The following LTBP1 variants were observed in gnomAD, a reference collection of about 807,000 sequenced individuals.
LTBP1 encodes the protein latent-transforming growth factor beta-binding protein 1.
A neutral mutation model predicts 207.6 loss-of-function variants in LTBP1; 129 were observed. The ratio of observed to expected loss-of-function variants is 0.62; its 90% CI spans 0.54 to 0.72. The LOEUF (loss-of-function observed/expected upper bound fraction) is 0.72. LTBP1 is among the 30% of genes least tolerant of loss of function. LTBP1 has a pLI of 0.00. For missense variants in LTBP1, 2,281 were observed against 2,217.2 expected (o/e 1.03, Z -0.58); for synonymous variants, 963 against 833.7 (o/e 1.16, Z -2.67).
At chr2:33,099,201 A>T (rs1035678260) in intron 3 of LTBP1, among the ~76,000 whole-genome samples, 1 of 152,204 alleles carries the variant, frequency 6.6e-6, no homozygotes, top group Admixed American at 6.5e-5. Flanking sequence ...ATTGGAACAG[A>T]TGTTTGAATT....
rs1397225357 is a variant in LTBP1 at position 33,126,289 on chromosome 2, G to A, written c.1034-8504G>A. On this transcript the variant is annotated intron_variant, in intron 4 of 33. Transcript: ENST00000404816. ...TTGCTATATTGCCAGGGTTAGTCTC[G>A]ATCTCCTGAACTCAAGCAATCCTCC... 9.2e-5 allele frequency among the ~76,000 whole-genome samples: 14 copies of A among 151,936 alleles called. No homozygotes were observed. In the East Asian group the frequency reaches 1.2e-3, roughly 13 times the overall value.
chr2:33,032,708 A>G (rs901222620), intron 3 of LTBP1, among the ~76,000 whole-genome samples: 1 of 152,234 alleles, frequency 6.6e-6, no homozygotes, highest in African/African-American at 2.4e-5. Context: ...ATTTGATACT[A>G]TTAATAAAGC....
At chr2:33,170,986 A>T (rs1461710293) in intron 5 of LTBP1, among the ~76,000 whole-genome samples, 1 of 151,950 alleles carries the variant, frequency 6.6e-6, no homozygotes, top group African/African-American at 2.4e-5. Context: ...AACAGAAAGG[A>T]CATCCACACC....
At chr2:32,955,011 G>A (rs1000001962) in intron 2 of LTBP1, among the ~76,000 whole-genome samples, 4 of 152,158 alleles carry the variant, frequency 2.6e-5, no homozygotes, top group African/African-American at 4.8e-5. Context: ...AATGTCCAGC[G>A]GGACCACTGG....
intron 3 of LTBP1, among the ~76,000 whole-genome samples, chr2:33,086,513 G>C (rs183478100): frequency 1.8e-4 from 28 of 152,284 alleles, no homozygotes; most frequent in Admixed American, 1.5e-3. Context: ...TTATGACCTT[G>C]TGGTTATGGC....
At chr2:33,221,981 A>C (rs1233686886) in intron 8 of LTBP1, 99 bp from the exon 9 acceptor site, 1 of 751,636 alleles carries the variant, frequency 1.3e-6, no homozygotes, top group East Asian at 2.6e-5. Context: ...TAAATGAATA[A>C]GTAAGTTTGC....
intron 7 of LTBP1, among the ~76,000 whole-genome samples, chr2:33,189,750 G>A (rs1287591045): frequency 6.6e-6 from 1 of 152,136 alleles, no homozygotes; most frequent in Non-Finnish European, 1.5e-5. Flanking sequence ...TTCAGGCCGG[G>A]TGCTGTGGCT....
intron 7 of LTBP1, among the ~76,000 whole-genome samples, chr2:33,204,791 A>T (rs1203850174): frequency 2.6e-5 from 4 of 152,208 alleles, no homozygotes; most frequent in Admixed American, 6.5e-5. Context: ...GAAAACTGAT[A>T]GCTGATTTGA....
At chr2:32,954,556 C>A (rs1170552580) in intron 2 of LTBP1, among the ~76,000 whole-genome samples, 1 of 151,208 alleles carries the variant, frequency 6.6e-6, no homozygotes, top group African/African-American at 2.4e-5. Context: ...CCGCCCCCCC[C>A]CACCAATGAT....
intron 3 of LTBP1, among the ~76,000 whole-genome samples, chr2:33,074,770 T>C (rs1024865331): frequency 2.6e-5 from 4 of 150,968 alleles, no homozygotes; most frequent in Non-Finnish European, 4.4e-5. Context: ...GTCGGGAGGC[T>C]GAGGCAGGAG....
intron 5 of LTBP1, among the ~76,000 whole-genome samples, chr2:33,138,421 A>G (rs1013788133): frequency 3.3e-5 from 5 of 152,050 alleles, no homozygotes; most frequent in Non-Finnish European, 5.9e-5. Context: ...GGTACTTCCT[A>G]TGAAGCAGGT....
intron 5 of LTBP1, among the ~76,000 whole-genome samples, chr2:33,167,397 G>A (rs1014962153): frequency 4.7e-5 from 7 of 150,334 alleles, no homozygotes; most frequent in African/African-American, 1.5e-4. Flanking sequence ...ATTAGGTACC[G>A]ACCATGTATT....
chr2:33,342,349 C>G (rs13427209), intron 24 of LTBP1, among the ~76,000 whole-genome samples: 14,237 of 152,222 alleles, frequency 0.094, 730 homozygotes, highest in South Asian at 0.13. Flanking sequence ...CAGACTCTCT[C>G]TTGACTTCCT....
intron 26 of LTBP1, among the ~76,000 whole-genome samples, chr2:33,350,765 A>C (rs2094770521): frequency 6.9e-6 from 1 of 145,136 alleles, no homozygotes; most frequent in Non-Finnish European, 1.6e-5. Context: ...GTCTGATGCT[A>C]TTATTTCCTT....
At chr2:33,021,651 A>G (rs930551168) in intron 3 of LTBP1, among the ~76,000 whole-genome samples, 1 of 152,220 alleles carries the variant, frequency 6.6e-6, no homozygotes, top group African/African-American at 2.4e-5. Flanking sequence ...CTCAAATGAA[A>G]GGGAGTCCTT....
intron 11 of LTBP1, among the ~76,000 whole-genome samples, chr2:33,256,000 C>T (rs1194556350): frequency 6.6e-6 from 1 of 152,146 alleles, no homozygotes; most frequent in Non-Finnish European, 1.5e-5. Flanking sequence ...TACCCTTCTT[C>T]TCCCCCTTGC....
chr2:33,000,655 A>G lies in LTBP1; in HGVS notation c.566-20254A>G, dbSNP rs545235156. ...ACTGTCTCCTGTCTGTAAGCGCCCAATAAAACCTCATGCCTCATTTGCTGC... is the reference window on the plus strand; with the variant it reads ...ACTGTCTCCTGTCTGTAAGCGCCCAGTAAAACCTCATGCCTCATTTGCTGC... On this transcript the variant is annotated intron_variant, in intron 2 of 33. Transcript: ENST00000404816. 8.1e-5 allele frequency among the ~76,000 whole-genome samples: 11 copies of G among 135,232 alleles called. 2 individuals carry two copies. The highest frequency in any genetic ancestry group is 2.6e-4 in the African/African-American group (10 of 38,912). 88.7% of individuals were successfully genotyped at this position (135,232 alleles called of 152,430 possible).
At chr2:32,990,081 G>C (rs933233537) in intron 2 of LTBP1, among the ~76,000 whole-genome samples, 1 of 152,178 alleles carries the variant, frequency 6.6e-6, no homozygotes, top group Non-Finnish European at 1.5e-5. Context: ...CTCCAGCCTG[G>C]GTGACAGAGC....
intron 26 of LTBP1, among the ~76,000 whole-genome samples, chr2:33,350,281 G>A (rs1392202470): frequency 1.3e-5 from 2 of 152,162 alleles, no homozygotes; most frequent in African/African-American, 4.8e-5. Context: ...TTCCAACAAT[G>A]AGCAGTAGCA....
Sources: allele counts gnomAD v4.1 joint callset (sites outside exome capture counted in the v4.1 genomes callset), GRCh38; gene constraint gnomAD v4.1.1; transcripts MANE v1.5; gene names NCBI Gene and HGNC (gene_info 2026-07-23, HGNC 2026-07-21).